The following PCA3 variants were observed in gnomAD, a reference collection of about 807,000 sequenced individuals.
The protein encoded by PCA3 is Differential Display code 3.
chr9:76,774,450 C>CTTTTTTTTTTTTTTTTTTTT (rs869289049), intron 2 of PCA3, among the ~76,000 whole-genome samples: 1 of 41,400 alleles, frequency 2.4e-5, no homozygotes, highest in African/African-American at 1.9e-4. Flanking sequence ...CAGTTCAACC[C>CTTTTTTTTTTTTTTTTTTTT]TTTTTTTTTT....
At chr9:76,766,820 G>C (rs192298848) in intron 2 of PCA3, among the ~76,000 whole-genome samples, 41 of 152,184 alleles carry the variant, frequency 2.7e-4, no homozygotes, top group African/African-American at 9.4e-4. Context: ...TTCTCTGTGA[G>C]GGCTTTCTCT....
chr9:76,779,909 A>G (rs1024712354), intron 2 of PCA3: 4 of 152,252 alleles, frequency 2.6e-5, no homozygotes, highest in African/African-American at 9.6e-5. Context: ...TTTTTCACAA[A>G]GAAATCGCAT....
intron 2 of PCA3, chr9:76,786,323 A>T (rs1433223635): frequency 6.6e-6 from 1 of 152,230 alleles, no homozygotes; most frequent in Non-Finnish European, 1.5e-5. Context: ...AGGGATTCAA[A>T]GAAATATTAG....
At chr9:76,782,177 G>A (rs2054487131) in intron 2 of PCA3, among the ~76,000 whole-genome samples, 3 of 151,914 alleles carry the variant, frequency 2.0e-5, no homozygotes, top group South Asian at 2.1e-4. Flanking sequence ...TGGTGCCACT[G>A]CACTCCAGCC....
At chr9:76,770,102 T>G (rs1043640423) in intron 2 of PCA3, among the ~76,000 whole-genome samples, 1 of 152,170 alleles carries the variant, frequency 6.6e-6, no homozygotes, top group African/African-American at 2.4e-5. Flanking sequence ...GCACCAAAAA[T>G]GTATTCACCA....
intron 2 of PCA3, among the ~76,000 whole-genome samples, chr9:76,772,218 G>T (rs1228843983): frequency 1.3e-5 from 2 of 152,156 alleles, no homozygotes; most frequent in Non-Finnish European, 2.9e-5. Context: ...GAAGACACCA[G>T]TGCCCACTAC....
rs759627070 is a variant in PCA3, at chr9:76,774,459, T to TATTTATTTATTTATTTA, written n.853-34124_853-34123insATTTATTTATTTATTTA. 4.4e-3 allele frequency among the ~76,000 whole-genome samples: 609 copies of TATTTATTTATTTATTTA among 139,116 alleles called. 19 individuals are homozygous for TATTTATTTATTTATTTA. Among genetic ancestry groups the TATTTATTTATTTATTTA allele is most frequent in the African/African-American group, 0.015 (586 of 38,036 alleles). 91.3% of individuals were successfully genotyped at this position (139,116 alleles called of 152,430 possible). ...GGCCTCCAGTTCAACCCTTTTTTTT[T>TATTTATTTATTTATTTA]TTTTTTTTTTTTTTTTTTGAGATGG... On this transcript the variant is annotated intron_variant and non_coding_transcript_variant, in intron 2 of 5. Coordinates refer to ENST00000644657, the Ensembl canonical transcript of PCA3.
intron 2 of PCA3, among the ~76,000 whole-genome samples, chr9:76,776,073 C>T (rs2053701435): frequency 6.6e-6 from 1 of 152,188 alleles, no homozygotes; most frequent in African/African-American, 2.4e-5. Flanking sequence ...ATCTCACGTG[C>T]ACAGAGTAAT....
Position 76,785,224 on chromosome 9 carries a change from C to A in PCA3, n.853-23359C>A, listed in dbSNP as rs756221302. On this transcript the variant is annotated intron_variant and non_coding_transcript_variant, in intron 2 of 5. Transcript: ENST00000644657. ...TTCTGCCTGAGAAGCTCTTCCTTGT[C>A]TCTTAAATCTAGAATGATGTAAAGT... 207 of 152,158 alleles carry A rather than the reference C, an allele frequency of 1.4e-3. 2 individuals are homozygous for A. Among genetic ancestry groups the A allele is most frequent in the Non-Finnish European group, 1.5e-3 (105 of 68,026 alleles). The allele number at this position is 152,158 out of a possible 1,614,324, so 9.4% of individuals were successfully genotyped here.
chr9:76,783,985 G>A (rs2054703351), intron 2 of PCA3: 1 of 152,070 alleles, frequency 6.6e-6, no homozygotes, highest in African/African-American at 2.4e-5. Context: ...TGTCCTCCCG[G>A]AATCCACTAC....
intron 2 of PCA3, chr9:76,783,747 C>T (rs1015142482): frequency 3.3e-5 from 5 of 152,172 alleles, no homozygotes; most frequent in Non-Finnish European, 7.3e-5. Flanking sequence ...TCTGAGGCCA[C>T]ACATCTGCTG....
chr9:76,776,391 T>C (rs371179273), intron 2 of PCA3, among the ~76,000 whole-genome samples: 2 of 152,202 alleles, frequency 1.3e-5, no homozygotes, highest in Non-Finnish European at 1.5e-5. Context: ...ATGTGGTATC[T>C]GATTTTCCAT....
At chr9:76,774,932 C>T (rs1206091540) in intron 2 of PCA3, among the ~76,000 whole-genome samples, 6 of 152,106 alleles carry the variant, frequency 3.9e-5, no homozygotes, top group Non-Finnish European at 7.4e-5. Context: ...GCTTCTATTT[C>T]CTCATCTATG....
At chr9:76,765,688 C>T (rs2052284579) in intron 2 of PCA3, among the ~76,000 whole-genome samples, 1 of 152,176 alleles carries the variant, frequency 6.6e-6, no homozygotes, top group South Asian at 2.1e-4. Flanking sequence ...GAAGGCACAG[C>T]CTTATCTAGT....
At chr9:76,769,309 A>C (rs1408233193) in intron 2 of PCA3, among the ~76,000 whole-genome samples, 1 of 152,234 alleles carries the variant, frequency 6.6e-6, no homozygotes, top group East Asian at 1.9e-4. Flanking sequence ...GGGTCAATAC[A>C]TACAGAATAA....
intron 2 of PCA3, among the ~76,000 whole-genome samples, chr9:76,774,607 T>A (rs917241920): frequency 2.2e-4 from 34 of 151,862 alleles, no homozygotes; most frequent in African/African-American, 8.2e-4. Context: ...TACAGGTGTA[T>A]GTCATCATGC....
At chr9:76,769,852 T>C (rs928296754) in intron 2 of PCA3, among the ~76,000 whole-genome samples, 2 of 152,190 alleles carry the variant, frequency 1.3e-5, no homozygotes, top group Admixed American at 6.5e-5. Flanking sequence ...GCGGTAGCAA[T>C]TAAAATTACC....
chr9:76,780,147 T>A (rs11145059), intron 2 of PCA3, among the ~76,000 whole-genome samples: 8,839 of 152,236 alleles, frequency 0.058, 276 homozygotes, highest in East Asian at 0.088. Flanking sequence ...TTCAGGCCTA[T>A]GTAAGATCCA....
intron 2 of PCA3, among the ~76,000 whole-genome samples, chr9:76,766,321 G>T (rs1259834146): frequency 6.6e-6 from 1 of 152,098 alleles, no homozygotes; most frequent in Non-Finnish European, 1.5e-5. Flanking sequence ...AAGCCTATCT[G>T]TGTGGGATTA....
Sources: allele counts gnomAD v4.1 joint callset (sites outside exome capture counted in the v4.1 genomes callset), GRCh38; gene constraint gnomAD v4.1.1; transcripts MANE v1.5; gene names NCBI Gene and HGNC (gene_info 2026-07-23, HGNC 2026-07-21).